SOS2: variants seen among roughly 807,000 people sequenced by gnomAD.
SOS2 encodes the protein son of sevenless homolog 2.
In SOS2, 65 loss-of-function variants were observed where a neutral mutation model predicts 148.2. The ratio of observed to expected loss-of-function variants is 0.44; its 90% confidence interval spans 0.36 to 0.54. SOS2 has a LOEUF of 0.54. Among genes scored for constraint, SOS2 ranks in the 20% least tolerant of loss-of-function variants. SOS2 has a pLI of 0.00. For missense variants in SOS2, 1,341 were observed against 1,590.2 expected (o/e 0.84, Z 2.67); for synonymous variants, 539 against 537.1 (o/e 1.00, Z -0.05).
chr14:50,127,690 C>A (rs933371595), intron 21 of SOS2, among the ~76,000 whole-genome samples: 1 of 152,104 alleles, frequency 6.6e-6, no homozygotes, highest in Non-Finnish European at 1.5e-5. Context: ...GGGTCCTCTG[C>A]TACTGTTAAG....
At chr14:50,118,909 AT>A in intron 22 of SOS2, 56 bp from the exon 23 acceptor site, 6 of 1,149,834 alleles carry the variant, frequency 5.2e-6, no homozygotes, top group Non-Finnish European at 5.8e-6. Flanking sequence ...AAAAAAAAAA[AT>A]TTTTAAGTCT....
intron 9 of SOS2, 59 bp from the exon 10 acceptor site, chr14:50,160,145 A>G (rs966300954): frequency 3.1e-6 from 4 of 1,301,524 alleles, no homozygotes; most frequent in Non-Finnish European, 4.3e-6. Context: ...GGTTTCAAGC[A>G]TAAACCATCT....
intron 1 of SOS2, among the ~76,000 whole-genome samples, chr14:50,223,747 AG>A (rs1267282529): frequency 6.6e-6 from 1 of 151,982 alleles, no homozygotes; most frequent in Non-Finnish European, 1.5e-5. Context: ...TGGGGGCGGC[AG>A]GGGGGTGAGG....
intron 5 of SOS2, among the ~76,000 whole-genome samples, chr14:50,185,896 TTACAAATGAGGAAACAGA>T (rs1275193436): frequency 6.6e-6 from 1 of 152,120 alleles, no homozygotes; most frequent in African/African-American, 2.4e-5. Context: ...CATCCTCATT[TTACAAATGAGGAAACAGA>T]GGCATAGAGC....
In SOS2 at chr14:50,130,550, A is replaced by G; in HGVS notation, c.3288T>C (p.Ala1096=). The change falls in exon 20 of 23, where the codon GCT becomes GCC. Residue 1096 remains alanine (A), a synonymous_variant. Coordinates refer to ENST00000216373, the MANE Select transcript of SOS2 (RefSeq NM_006939.4). ...PNTPSTPPVS[A]SSDLSVFLDV... ...CTAAAAATACACTAAGGTCTGAAGA[A>G]GCAGATACTGGTGGAGTAGATGGTG... 6.2e-7 allele frequency: 1 copy of G among 1,614,032 alleles called. No individual in the cohort carries two copies. The highest frequency in any genetic ancestry group is 8.5e-7 in the Non-Finnish European group (1 of 1,179,910).
At chr14:50,126,093 C>A (rs146070861) in intron 21 of SOS2, among the ~76,000 whole-genome samples, 1 of 152,090 alleles carries the variant, frequency 6.6e-6, no homozygotes, top group Non-Finnish European at 1.5e-5. Flanking sequence ...ATCAGTTTCC[C>A]CCTCATTCTA....
intron 4 of SOS2, among the ~76,000 whole-genome samples, chr14:50,197,249 T>C (rs1425170950): frequency 6.6e-6 from 1 of 152,172 alleles, no homozygotes; most frequent in African/African-American, 2.4e-5. Context: ...AAGAATAAGA[T>C]ACACAGTTTC....
At position 50,188,480 on chromosome 14, in the gene SOS2, C is replaced by T. The variant is rs1309023697; in HGVS notation, c.714+17G>A. Reference sequence around the variant, plus strand: ...TTTTTGGGGTACACAGAATTTCAAACCCAAAAAGGTACTTACAGAAGGTTT... The same window carrying T: ...TTTTTGGGGTACACAGAATTTCAAATCCAAAAAGGTACTTACAGAAGGTTT... On this transcript the variant is annotated intron_variant, in intron 5 of 22. Coordinates refer to ENST00000216373, the MANE Select transcript of SOS2 (RefSeq NM_006939.4). 1 of 1,558,080 alleles carries T rather than the reference C, an allele frequency of 6.4e-7. No individual in the cohort carries two copies. The highest frequency in any genetic ancestry group is 8.8e-7 in the Non-Finnish European group (1 of 1,141,878).
chr14:50,204,292 C>T lies in SOS2; in HGVS notation c.205G>A (p.Asp69Asn). The T allele has an allele frequency of 6.3e-7, 1 of 1,582,596 alleles. No homozygotes were observed. Among genetic ancestry groups the T allele is most frequent in the Non-Finnish European group, 8.6e-7 (1 of 1,167,582 alleles). The stretch of plus-strand genomic sequence containing the variant: ...GACAAAATAATTTTTACCTCTACAT[C>T]TTGAACAGTCCTTGGCTGGGCCATG... ...LCMAQPRTVQ[D>N]VEERVQKTFP... is the part of the protein sequence containing the mutation. The change falls in exon 2 of 23, where the codon GAT becomes AAT. Residue 69 changes from aspartate to asparagine, a missense_variant. Around this residue, in one of 4 missense-constraint regions of SOS2, gnomAD observed 574 missense variants for 711.1 expected, o/e 0.81. Coordinates refer to ENST00000216373, the MANE Select transcript of SOS2 (RefSeq NM_006939.4).
At chr14:50,140,123 C>T (rs569843512) in intron 16 of SOS2, 64 bp from the exon 17 acceptor site, 1 of 828,352 alleles carries the variant, frequency 1.2e-6, no homozygotes, top group South Asian at 1.9e-5. Flanking sequence ...TAAATGCAAA[C>T]CTTTAAATTT....
At chr14:50,138,827 A>C in intron 17 of SOS2, 43 bp from the exon 18 acceptor site, 1 of 701,826 alleles carries the variant, frequency 1.4e-6, no homozygotes, top group Non-Finnish European at 2.2e-6. Flanking sequence ...GTTATTTTAA[A>C]TTTTGTTATT....
chr14:50,183,727 G>C (rs533782809), intron 5 of SOS2, among the ~76,000 whole-genome samples: 69 of 152,250 alleles, frequency 4.5e-4, no homozygotes, highest in African/African-American at 1.7e-3. Flanking sequence ...TTAATGGTAA[G>C]AGCTGGGATG....
intron 8 of SOS2, among the ~76,000 whole-genome samples, chr14:50,164,083 T>C (rs1160364389): frequency 6.6e-6 from 1 of 152,210 alleles, no homozygotes; most frequent in Non-Finnish European, 1.5e-5. Context: ...ATAAACATCA[T>C]ATTAATGAAT....
intron 20 of SOS2, 60 bp downstream of exon 20, chr14:50,130,441 T>C (rs1372971261): frequency 1.1e-5 from 15 of 1,420,930 alleles, no homozygotes; most frequent in African/African-American, 1.4e-5. Context: ...ATTAAAATGA[T>C]AAGAATTATC....
chr14:50,145,919 G>A (rs1010442347), intron 14 of SOS2, among the ~76,000 whole-genome samples: 16 of 152,148 alleles, frequency 1.1e-4, no homozygotes, highest in Admixed American at 9.2e-4. Context: ...TGGATCACCT[G>A]AGGTCAGGAG....
intron 8 of SOS2, among the ~76,000 whole-genome samples, chr14:50,171,501 T>C (rs1055728919): frequency 2.6e-4 from 40 of 151,878 alleles, no homozygotes; most frequent in East Asian, 2.5e-3. Context: ...CTGGCCAACA[T>C]GGTGAAACCC....
chr14:50,224,364 C>CACACACAT (rs1339727223), intron 1 of SOS2, among the ~76,000 whole-genome samples: 38 of 109,358 alleles, frequency 3.5e-4, no homozygotes, highest in African/African-American at 1.0e-3. Context: ...CACACACACA[C>CACACACAT]ATATATATAA....
chr14:50,134,077 A>T, intron 19 of SOS2, 46 bp downstream of exon 19: 6 of 927,020 alleles, frequency 6.5e-6, no homozygotes, highest in Non-Finnish European at 1.1e-5. Context: ...TGAAAATAAT[A>T]TTTTAAAAAA....
chr14:50,217,259 C>T (rs1887063185), intron 1 of SOS2, among the ~76,000 whole-genome samples: 1 of 151,908 alleles, frequency 6.6e-6, no homozygotes, highest in Non-Finnish European at 1.5e-5. Context: ...TATCCATATA[C>T]AAAAAAACAA....
Sources: allele counts gnomAD v4.1 joint callset (sites outside exome capture counted in the v4.1 genomes callset), GRCh38; gene constraint gnomAD v4.1.1; regional missense constraint gnomAD v4.1.1; transcripts MANE v1.5; gene names NCBI Gene and HGNC (gene_info 2026-07-23, HGNC 2026-07-21).